The following SUPT3H variants were observed in gnomAD, a reference collection of about 807,000 sequenced individuals.
The protein encoded by SUPT3H is transcription initiation protein SPT3 homolog.
In SUPT3H, 44 loss-of-function variants were observed where a neutral mutation model predicts 44.3. That is an observed-to-expected ratio of 0.99 (90% CI 0.78 to 1.28). The LOEUF is 1.28. Among genes scored for constraint, SUPT3H ranks in the 50% most tolerant of loss-of-function variants. The pLI is 0.00. For missense variants in SUPT3H, 380 were observed against 387.1 expected (o/e 0.98, Z 0.15); for synonymous variants, 124 against 125.6 (o/e 0.99, Z 0.09).
chr6:44,877,059 A>C (rs1777423733), intron 10 of SUPT3H, among the ~76,000 whole-genome samples: 1 of 152,214 alleles, frequency 6.6e-6, no homozygotes, highest in African/African-American at 2.4e-5. Flanking sequence ...ATTTGCTTTT[A>C]AATATCTTAT....
intron 2 of SUPT3H, among the ~76,000 whole-genome samples, chr6:45,220,468 C>G (rs1453493615): frequency 6.6e-6 from 1 of 152,072 alleles, no homozygotes; most frequent in Non-Finnish European, 1.5e-5. Flanking sequence ...TAAAATTATT[C>G]ATAATGATAG....
intron 10 of SUPT3H, among the ~76,000 whole-genome samples, chr6:44,890,411 A>G (rs1763083505): frequency 6.6e-6 from 1 of 152,168 alleles, no homozygotes; most frequent in Admixed American, 6.5e-5. Flanking sequence ...CATACATACC[A>G]TGGAATACTG....
Position 45,321,761 on chromosome 6 carries a change from G to A in SUPT3H, c.101+43440C>T, listed in dbSNP as rs766695222. ...CTTCTACCCATAAACTTGTTCTCTT[G>A]AAAAGCGATAGGAACACAATTTCCC... On this transcript the variant is annotated intron_variant, in intron 2 of 10. Transcript: ENST00000371459. 3.4e-6 allele frequency: 5 copies of A among 1,459,358 alleles called. No homozygotes were observed. In the South Asian group the frequency reaches 5.8e-5, roughly 17 times the overall value. The allele number at this position is 1,459,358 out of a possible 1,614,324, so 90.4% of individuals were successfully genotyped here.
Position 44,931,855 on chromosome 6 carries a change from A to C in SUPT3H, c.912+798T>G, listed in dbSNP as rs141600151. Among the ~76,000 whole-genome samples the C allele has an allele frequency of 1.5e-3, 221 of 151,520 alleles. 1 individual carries two copies. Among genetic ancestry groups the C allele is most frequent in the African/African-American group, 5.1e-3 (208 of 40,880 alleles). ...CAGGTAAAAATGTATACTATGTAAT[A>C]CTATTTATTTTCTCATTTGTTTATG... On this transcript the variant is annotated intron_variant, in intron 10 of 10. Transcript: ENST00000371459.
intron 3 of SUPT3H, among the ~76,000 whole-genome samples, chr6:45,087,835 T>G (rs1272761937): frequency 6.6e-6 from 1 of 152,000 alleles, no homozygotes; most frequent in African/African-American, 2.4e-5. Flanking sequence ...GGGAAATTTC[T>G]TCACACAATA....
At chr6:45,221,892 C>T (rs944882791) in intron 2 of SUPT3H, among the ~76,000 whole-genome samples, 1 of 151,940 alleles carries the variant, frequency 6.6e-6, no homozygotes, top group Non-Finnish European at 1.5e-5. Flanking sequence ...CATATAACTA[C>T]AACAATAAAT....
At chr6:44,832,564 A>C (rs1769014545) in intron 10 of SUPT3H, among the ~76,000 whole-genome samples, 1 of 152,168 alleles carries the variant, frequency 6.6e-6, no homozygotes, top group Admixed American at 6.6e-5. Flanking sequence ...CTCTGTTCTC[A>C]ACATCAGTTG....
intron 2 of SUPT3H, among the ~76,000 whole-genome samples, chr6:45,317,171 G>C (rs779086348): frequency 7.3e-6 from 1 of 136,836 alleles, no homozygotes; most frequent in African/African-American, 2.7e-5. Flanking sequence ...AGGTTGCAGT[G>C]AGTTGAGATC....
rs78508034 is a variant in SUPT3H, at chr6:45,277,450, A to T, written c.101+87751T>A. Among the ~76,000 whole-genome samples, 16 of 152,300 alleles carry T rather than the reference A, an allele frequency of 1.1e-4. No homozygotes were observed. In the East Asian group the frequency reaches 2.9e-3, roughly 28 times the overall value. On this transcript the variant is annotated intron_variant, in intron 2 of 10. Coordinates refer to ENST00000371459, the MANE Select transcript of SUPT3H (RefSeq NM_003599.4). ...ATTTTTTTTGTACCAGTGAAAATAG[A>T]TGACAATCAGTGGGATGGATACAAT...
In SUPT3H at chr6:45,331,138, C is replaced by T. The variant is rs544683542; in HGVS notation, c.101+34063G>A. Reference sequence around the variant, plus strand: ...GTGTGTGTGTGTGTGCGCGCGCGCGCGCACATGCTAGAGAAAGAGTATGTC... The same window carrying T: ...GTGTGTGTGTGTGTGCGCGCGCGCGTGCACATGCTAGAGAAAGAGTATGTC... On this transcript the variant is annotated intron_variant, in intron 2 of 10. Transcript: ENST00000371459. Among the ~76,000 whole-genome samples the T allele has an allele frequency of 4.5e-4, 69 of 151,764 alleles. 1 individual carries two copies. The highest frequency in any genetic ancestry group is 1.6e-3 in the African/African-American group (65 of 41,356).
rs1798884471 is a variant in SUPT3H at position 45,103,568 on chromosome 6, GA to G, written c.186+2353del. Reference sequence around the variant, plus strand: ...ACTAAATAGCATATTAGACATGGCAGAAAAAATAGTAAACTTAAAGGTAAAG... The same window carrying G: ...ACTAAATAGCATATTAGACATGGCAGAAAAATAGTAAACTTAAAGGTAAAG... On this transcript the variant is annotated intron_variant, in intron 3 of 10. Transcript: ENST00000371459. 2.0e-5 allele frequency among the ~76,000 whole-genome samples: 3 copies of G among 151,930 alleles called. No homozygotes were observed. In the South Asian group the frequency reaches 6.2e-4, roughly 32 times the overall value.
At chr6:44,971,859 G>A (rs867533916) in intron 6 of SUPT3H, among the ~76,000 whole-genome samples, 3 of 151,936 alleles carry the variant, frequency 2.0e-5, no homozygotes, top group African/African-American at 2.4e-5. Context: ...TGCAAGCTCC[G>A]CCTCCTGGGT....
At chr6:44,900,872 G>A (rs115284470) in intron 10 of SUPT3H, among the ~76,000 whole-genome samples, 1 of 152,128 alleles carries the variant, frequency 6.6e-6, no homozygotes. Flanking sequence ...ACCAATATCC[G>A]CTGTTCTGCA....
At chr6:44,985,530 T>A (rs1779677766) in intron 6 of SUPT3H, among the ~76,000 whole-genome samples, 1 of 152,168 alleles carries the variant, frequency 6.6e-6, no homozygotes, top group South Asian at 2.1e-4. Flanking sequence ...GTGGTTAGGT[T>A]CCCAAGTAAT....
chr6:44,864,725 G>GT (rs1775214676), intron 10 of SUPT3H, among the ~76,000 whole-genome samples: 2 of 152,246 alleles, frequency 1.3e-5, no homozygotes, highest in South Asian at 4.1e-4. Flanking sequence ...TGCACACAGC[G>GT]TGGGGACCCT....
intron 2 of SUPT3H, among the ~76,000 whole-genome samples, chr6:45,110,044 A>G (rs757320254): frequency 1.3e-5 from 2 of 152,196 alleles, no homozygotes; most frequent in Non-Finnish European, 2.9e-5. Context: ...GGTCTCCTGC[A>G]GCAGTCTCGT....
intron 10 of SUPT3H, among the ~76,000 whole-genome samples, chr6:44,835,609 A>G (rs1363442893): frequency 6.6e-6 from 1 of 152,158 alleles, no homozygotes; most frequent in Admixed American, 6.5e-5. Flanking sequence ...ACAGGCTTTC[A>G]CTAACTCTTA....
At chr6:44,880,149 C>T (rs760788277) in intron 10 of SUPT3H, among the ~76,000 whole-genome samples, 3 of 151,920 alleles carry the variant, frequency 2.0e-5, no homozygotes, top group Non-Finnish European at 4.4e-5. Flanking sequence ...GAGCATATTC[C>T]AACCCAAAGC....
intron 10 of SUPT3H, among the ~76,000 whole-genome samples, chr6:44,908,029 C>T (rs1381923209): frequency 6.6e-6 from 1 of 152,126 alleles, no homozygotes; most frequent in East Asian, 1.9e-4. Context: ...ACCAAAACTG[C>T]TGAAATCCAT....
Sources: gnomAD v4.1 joint callset for allele counts (sites outside exome capture counted in the v4.1 genomes callset) on GRCh38, gnomAD v4.1.1 for gene constraint, MANE v1.5 for transcripts, NCBI Gene and HGNC (gene_info 2026-07-23, HGNC 2026-07-21) for gene names.